PSMA1: variants seen among roughly 807,000 people sequenced by gnomAD.
PSMA1 encodes proteasome 20S subunit alpha 1.
A neutral mutation model predicts 38.4 loss-of-function variants in PSMA1; 3 were observed. The ratio of observed to expected loss-of-function variants is 0.08; its 90% confidence interval spans 0.04 to 0.20. The LOEUF is 0.20. Among genes scored for constraint, PSMA1 ranks in the 10% least tolerant of loss-of-function variants. The pLI is 1.00. For synonymous variants in PSMA1, 101 were observed against 107.1 expected (o/e 0.94, Z 0.35); for missense variants, 227 against 325.3 (o/e 0.70, Z 2.32).
At chr11:14,514,794 T>C (rs1851399841) in intron 4 of PSMA1, among the ~76,000 whole-genome samples, 1 of 152,224 alleles carries the variant, frequency 6.6e-6, no homozygotes, top group African/African-American at 2.4e-5. Flanking sequence ...TCTTCTCTTA[T>C]CCTTCCCACT....
At chr11:14,509,304 A>C (rs1159192684) in intron 8 of PSMA1, among the ~76,000 whole-genome samples, 1 of 152,062 alleles carries the variant, frequency 6.6e-6, no homozygotes, top group Non-Finnish European at 1.5e-5. Context: ...TTCCCCCCTC[A>C]CACCCTATAA....
chr11:14,520,378 T>A lies in PSMA1; in HGVS notation c.-79A>T. ...TGCTGCCGAAAGTATCGCTCAGCGA[T>A]CTACAGAGAAGTCTGCGGGAGTTTG... On this transcript the variant is annotated 5_prime_UTR_variant, in exon 1 of 10. Transcript: ENST00000396394. 6.2e-7 allele frequency: 1 copy of A among 1,614,120 alleles called. No individual in the cohort carries two copies. Among genetic ancestry groups the A allele is most frequent in the South Asian group, 1.1e-5 (1 of 91,092 alleles).
intron 2 of PSMA1, among the ~76,000 whole-genome samples, chr11:14,565,257 T>A (rs530023095): frequency 6.6e-6 from 1 of 152,194 alleles, no homozygotes; most frequent in Non-Finnish European, 1.5e-5. Context: ...TCATTCCTGA[T>A]ATTAGAAAGT....
chr11:14,554,010 T>C (rs573171327), intron 2 of PSMA1, among the ~76,000 whole-genome samples: 20 of 152,236 alleles, frequency 1.3e-4, no homozygotes, highest in Non-Finnish European at 2.4e-4. Context: ...CTAATAGGTA[T>C]ATAATGATAT....
At chr11:14,526,199 A>G (rs1334718723) in intron 2 of PSMA1, among the ~76,000 whole-genome samples, 1 of 152,094 alleles carries the variant, frequency 6.6e-6, no homozygotes, top group Non-Finnish European at 1.5e-5. Context: ...TGGTTTTGCC[A>G]TCCTAACAAA....
chr11:14,612,049 C>A (rs767526282), intron 1 of PSMA1, among the ~76,000 whole-genome samples: 10 of 152,158 alleles, frequency 6.6e-5, no homozygotes, highest in Non-Finnish European at 1.0e-4. Context: ...ATCTCTAAAG[C>A]TGAAAGGAAG....
chr11:14,556,754 A>C (rs766701072), intron 2 of PSMA1, among the ~76,000 whole-genome samples: 11 of 152,176 alleles, frequency 7.2e-5, no homozygotes, highest in Non-Finnish European at 1.6e-4. Flanking sequence ...GTTGAAGTTC[A>C]TTATTTTGCC....
intron 1 of PSMA1, among the ~76,000 whole-genome samples, chr11:14,615,171 A>C (rs1306081169): frequency 6.6e-6 from 1 of 152,202 alleles, no homozygotes; most frequent in Non-Finnish European, 1.5e-5. Flanking sequence ...CTATTTGGTA[A>C]ACCCCTACTT....
chr11:14,511,541 G>A (rs561566264), intron 7 of PSMA1, among the ~76,000 whole-genome samples: 1 of 152,254 alleles, frequency 6.6e-6, no homozygotes, highest in African/African-American at 2.4e-5. Flanking sequence ...TACACTGAAG[G>A]AAGGGAGAAA....
intron 2 of PSMA1, among the ~76,000 whole-genome samples, chr11:14,532,119 A>G (rs535516934): frequency 0.014 from 246 of 18,042 alleles, no homozygotes; most frequent in African/African-American, 0.054. Context: ...TTTTCTGTGA[A>G]AAAAAAAAAA....
intron 2 of PSMA1, among the ~76,000 whole-genome samples, chr11:14,529,056 T>G (rs1042598227): frequency 1.4e-5 from 2 of 147,334 alleles, no homozygotes; most frequent in African/African-American, 5.1e-5. Context: ...CACGGACACA[T>G]GAGACACCCA....
intron 2 of PSMA1, among the ~76,000 whole-genome samples, chr11:14,607,000 A>G (rs1270083956): frequency 4.6e-5 from 7 of 152,166 alleles, no homozygotes; most frequent in African/African-American, 1.7e-4. Context: ...AATATATGAT[A>G]TAGAGGAACA....
chr11:14,578,098 T>C (rs1384978787), intron 2 of PSMA1, among the ~76,000 whole-genome samples: 1 of 151,962 alleles, frequency 6.6e-6, no homozygotes, highest in Non-Finnish European at 1.5e-5. Flanking sequence ...AGGGGAGGGA[T>C]AGCATTAGGA....
chr11:14,531,361 T>C (rs938382223), intron 2 of PSMA1, among the ~76,000 whole-genome samples: 8 of 152,220 alleles, frequency 5.3e-5, no homozygotes, highest in Non-Finnish European at 8.8e-5. Flanking sequence ...CTCGCATTTA[T>C]AAGTGAGAAC....
intron 5 of PSMA1, 22 bp from the exon 6 acceptor site, chr11:14,513,909 G>A (rs753929231): frequency 1.9e-6 from 3 of 1,571,682 alleles, no homozygotes; most frequent in African/African-American, 1.4e-5. Context: ...TAACGAGCTT[G>A]TTTTAACAAG....
chr11:14,595,421 C>T (rs540014246), intron 2 of PSMA1, among the ~76,000 whole-genome samples: 7 of 152,284 alleles, frequency 4.6e-5, no homozygotes, highest in African/African-American at 1.4e-4. Flanking sequence ...TCTGCTGTTT[C>T]CTGACTTTTT....
chr11:14,622,120 T>C (rs1852853911), intron 1 of PSMA1, among the ~76,000 whole-genome samples: 2 of 152,204 alleles, frequency 1.3e-5, no homozygotes. Context: ...ATGCAGACTT[T>C]CAGGAGTTCG....
At chr11:14,550,531 T>C (rs1851874305) in intron 2 of PSMA1, among the ~76,000 whole-genome samples, 2 of 152,070 alleles carry the variant, frequency 1.3e-5, no homozygotes, top group Admixed American at 6.5e-5. Flanking sequence ...ACATAATCAA[T>C]TGACAAAGTT....
At position 14,504,883 on chromosome 11, in the gene PSMA1, C is replaced by T. The variant is rs561177936; in HGVS notation, c.*309G>A. 7.8e-5 allele frequency: 21 copies of T among 269,616 alleles called. No individual in the cohort carries two copies. The highest frequency in any genetic ancestry group is 6.1e-4 in the South Asian group (7 of 11,492). 16.7% of individuals were successfully genotyped at this position (269,616 alleles called of 1,614,324 possible). ...AAAAACAAAAACCCAATATACCAGG[C>T]GGTGAAACAATTTTATTTCACAGTT... is the stretch of plus-strand genomic sequence containing the variant. On this transcript the variant is annotated 3_prime_UTR_variant, in exon 10 of 10. Coordinates refer to ENST00000396394, the MANE Select transcript of PSMA1 (RefSeq NM_002786.4).
Sources: allele counts gnomAD v4.1 joint callset (sites outside exome capture counted in the v4.1 genomes callset), GRCh38; gene constraint gnomAD v4.1.1; transcripts MANE v1.5; gene names NCBI Gene and HGNC (gene_info 2026-07-23, HGNC 2026-07-21).